The following CERT1 variants were observed in gnomAD, a reference collection of about 807,000 sequenced individuals.
CERT1 encodes ceramide transporter 1, also known as ceramide transfer protein.
Under a neutral mutation model 87.9 loss-of-function variants are expected in CERT1, and 31 were observed. The observed-to-expected ratio is 0.35, with a 90% CI of 0.27 to 0.48. The LOEUF (loss-of-function observed/expected upper bound fraction) is 0.48. CERT1 is among the 20% of genes least tolerant of loss of function. The pLI is 0.99. For missense variants in CERT1, 487 were observed against 758.0 expected, an observed-to-expected ratio of 0.64 and a Z score of 4.20; for synonymous variants, 289 against 250.9, an observed-to-expected ratio of 1.15 and a Z score of -1.44.
intron 17 of CERT1, chr5:75,368,826 A>AAT (rs1237547241): frequency 4.6e-5 from 7 of 152,212 alleles, no homozygotes; most frequent in Admixed American, 3.9e-4. Context: ...AAAATAAAAC[A>AAT]ATAATGTACT....
At chr5:75,481,951 G>C (rs1458975862) in intron 2 of CERT1, among the ~76,000 whole-genome samples, 1 of 152,270 alleles carries the variant, frequency 6.6e-6, no homozygotes, top group African/African-American at 2.4e-5. Flanking sequence ...TGGGATGTCA[G>C]AGATCCCAAA....
rs1321597089 is a variant in CERT1, at chr5:75,511,426, T to G, written c.-219A>C. On this transcript the variant is annotated 5_prime_UTR_variant, in exon 1 of 17. Coordinates refer to ENST00000643780, the MANE Select transcript of CERT1 (RefSeq NM_001379029.1). ...AGGAGGACGAGCGGTGAAGGAAGCC[T>G]ACCCTTCCAGCCGTCAGCCGCCGCC... 2 of 1,542,080 alleles carry G rather than the reference T, an allele frequency of 1.3e-6. No homozygotes were observed. Among genetic ancestry groups the G allele is most frequent in the Middle Eastern group, 2.0e-4 (1 of 5,088 alleles).
chr5:75,396,056 C>T (rs1313847472), intron 11 of CERT1, among the ~76,000 whole-genome samples: 1 of 152,100 alleles, frequency 6.6e-6, no homozygotes, highest in Non-Finnish European at 1.5e-5. Context: ...GTTTTCAGGG[C>T]ATCTCTCAAT....
At chr5:75,388,815 G>A (rs1048345873) in intron 12 of CERT1, among the ~76,000 whole-genome samples, 2 of 151,514 alleles carry the variant, frequency 1.3e-5, no homozygotes, top group Admixed American at 6.6e-5. Context: ...GGTAGAGACG[G>A]GGTTTCACCG....
At chr5:75,433,899 T>C (rs914579169) in intron 3 of CERT1, among the ~76,000 whole-genome samples, 2 of 152,168 alleles carry the variant, frequency 1.3e-5, no homozygotes, top group East Asian at 1.9e-4. Flanking sequence ...GCAGAGACTA[T>C]GGGGTTTTCT....
At chr5:75,412,352 C>T (rs983086627) in intron 7 of CERT1, among the ~76,000 whole-genome samples, 13 of 152,144 alleles carry the variant, frequency 8.5e-5, no homozygotes, top group African/African-American at 3.1e-4. Flanking sequence ...ACTCTGGCTA[C>T]AGGAAATGTA....
intron 11 of CERT1, among the ~76,000 whole-genome samples, chr5:75,393,853 TACTC>T (rs940879282): frequency 2.0e-5 from 3 of 151,696 alleles, no homozygotes; most frequent in African/African-American, 7.3e-5. Flanking sequence ...TAGTCCCAGA[TACTC>T]AGGAGTCTGA....
chr5:75,440,905 A>G (rs937819046), intron 3 of CERT1, among the ~76,000 whole-genome samples: 5 of 152,078 alleles, frequency 3.3e-5, no homozygotes, highest in African/African-American at 1.2e-4. Flanking sequence ...ACATAATATC[A>G]TATACCTGTA....
chr5:75,444,756 A>G (rs1764469621), intron 3 of CERT1, among the ~76,000 whole-genome samples: 2 of 151,982 alleles, frequency 1.3e-5, no homozygotes, highest in Non-Finnish European at 2.9e-5. Flanking sequence ...CATGTTGGCC[A>G]GGGTGGTCTT....
At position 75,501,137 on chromosome 5, in the gene CERT1, A is replaced by G. The variant is rs139915023; in HGVS notation, c.231+4845T>C. On this transcript the variant is annotated intron_variant, in intron 2 of 16. Coordinates refer to ENST00000643780, the MANE Select transcript of CERT1 (RefSeq NM_001379029.1). ...GCTGAGACTACAGATGTGTACCACC[A>G]CGCCAAGCTGATTTGTGTATTTTTT... 1.8e-4 allele frequency among the ~76,000 whole-genome samples: 28 copies of G among 152,074 alleles called. 1 individual carries two copies. The East Asian group carries it at 5.4e-3, about 29-fold the overall frequency.
At chr5:75,428,317 G>A (rs909109734) in intron 3 of CERT1, among the ~76,000 whole-genome samples, 18 of 113,460 alleles carry the variant, frequency 1.6e-4, no homozygotes, top group Admixed American at 8.4e-4. Flanking sequence ...CAAAAAAAAC[G>A]TGCAATTTGC....
At chr5:75,404,526 T>C (rs1441312380) in intron 8 of CERT1, among the ~76,000 whole-genome samples, 2 of 152,192 alleles carry the variant, frequency 1.3e-5, no homozygotes, top group Non-Finnish European at 2.9e-5. Context: ...CTTTGCTCTC[T>C]GTTGATCAGA....
At position 75,389,642 on chromosome 5, in the gene CERT1, C is replaced by T. The variant is rs575084544; in HGVS notation, c.1234G>A (p.Val412Ile). 1.2e-6 allele frequency: 2 copies of T among 1,614,148 alleles called. No homozygotes were observed. Among genetic ancestry groups the T allele is most frequent in the Admixed American group, 1.7e-5 (1 of 60,024 alleles). Residue 412 changes from valine to isoleucine, a missense_variant, in exon 12 of 17, where the codon GTA (valine) becomes ATA (isoleucine). By Grantham distance (29) the Val-to-Ile change is conservative. Transcript: ENST00000643780. ...AACTGCCAATTGGCATCTCCGCCTA[C>T]ATCCTGTAATGAGTAAGTCATGTGG... ...QNHMTYSLQD[V>I]GGDANWQLVV...
At chr5:75,375,562 C>CA (rs1188208536), downstream of CERT1, 3 of 147,530 alleles carry the variant, frequency 2.0e-5, no homozygotes, top group Non-Finnish European at 4.5e-5. Flanking sequence ...ACCTGGGCGA[C>CA]AGGAGTGAGA....
chr5:75,407,911 A>C (rs569190042), intron 8 of CERT1, among the ~76,000 whole-genome samples: 4 of 151,464 alleles, frequency 2.6e-5, no homozygotes, highest in South Asian at 2.1e-4. Context: ...AAAAAAAAAA[A>C]ACATAAAATT....
intron 2 of CERT1, among the ~76,000 whole-genome samples, chr5:75,498,004 G>A (rs1293105802): frequency 6.6e-6 from 1 of 152,208 alleles, no homozygotes; most frequent in African/African-American, 2.4e-5. Flanking sequence ...ATGAAGTCCA[G>A]GGTGAGGTGG....
intron 2 of CERT1, among the ~76,000 whole-genome samples, chr5:75,497,279 C>T (rs1580856638): frequency 6.6e-6 from 1 of 152,092 alleles, no homozygotes; most frequent in Non-Finnish European, 1.5e-5. Flanking sequence ...GGCTTTACTC[C>T]CAACATAAAC....
At chr5:75,497,194 A>G (rs1290046503) in intron 2 of CERT1, among the ~76,000 whole-genome samples, 5 of 152,170 alleles carry the variant, frequency 3.3e-5, no homozygotes, top group Non-Finnish European at 5.9e-5. Context: ...TCCCGGCTCT[A>G]GTGAGTCAAC....
chr5:75,415,086 G>C (rs1288915803), intron 7 of CERT1, among the ~76,000 whole-genome samples: 1 of 151,842 alleles, frequency 6.6e-6, no homozygotes, highest in Non-Finnish European at 1.5e-5. Context: ...GAAAGTTCTT[G>C]AATAGAGTTG....
Sources: allele counts gnomAD v4.1 joint callset (sites outside exome capture counted in the v4.1 genomes callset), GRCh38; gene constraint gnomAD v4.1.1; transcripts MANE v1.5; gene names NCBI Gene and HGNC (gene_info 2026-07-23, HGNC 2026-07-21).